Variants in PLA2G6 observed in about 807,000 individuals in gnomAD.
The protein encoded by PLA2G6 is 85/88 kDa calcium-independent phospholipase A2.
PLA2G6 carries 62 observed loss-of-function variants against 83.8 expected under a neutral mutation model. The observed-to-expected ratio is 0.74, with a 90% CI of 0.60 to 0.91. The LOEUF (loss-of-function observed/expected upper bound fraction) is 0.91, where lower values mean the gene tolerates loss of function less well. PLA2G6 is among the 40% of genes least tolerant of loss of function. The pLI is 0.00. For synonymous variants in PLA2G6, 417 were observed against 449.8 expected, an observed-to-expected ratio of 0.93 and a Z score of 0.92; for missense variants, 944 against 1,102.0, an observed-to-expected ratio of 0.86 and a Z score of 2.03.
intron 12 of PLA2G6, among the ~76,000 whole-genome samples, chr22:38,118,599 G>T (rs1015184975): frequency 6.6e-6 from 1 of 152,088 alleles, no homozygotes; most frequent in Non-Finnish European, 1.5e-5. Flanking sequence ...TGGATGTATG[G>T]ATTCGAAATC....
rs886694528 is a variant in PLA2G6 at position 38,114,484 on chromosome 22, C to T, written c.2035-830G>A. On this transcript the variant is annotated intron_variant, in intron 14 of 16. Transcript: ENST00000332509. ...ACAGGCGTGAGCCGCTGCGCCCGGC[C>T]GCTGCCTCTCTTATTTGCTTCCGAA... 5.3e-5 allele frequency among the ~76,000 whole-genome samples: 8 copies of T among 152,214 alleles called. 1 individual carries two copies. In the South Asian group the frequency reaches 1.2e-3, roughly 24 times the overall value.
chr22:38,126,372 T>A lies in PLA2G6; in HGVS notation c.1426A>T (p.Thr476Ser). ...TGCCCCCGATCTCGATCCACTTACG[T>A]CCGCTTCTCGTCCCTCATGGAGCCC... ...ILGSMRDEKR[T>S]HDHLLCLDGG... Residue 476 changes from threonine to serine, a missense_variant and splice_region_variant, in exon 10 of 17, where the codon ACC (threonine) becomes TCC (serine). Physicochemically the swap from Thr to Ser is moderately conservative, Grantham distance 58. Transcript: ENST00000332509. The A allele has an allele frequency of 6.2e-7, 1 of 1,612,214 alleles. No homozygotes were observed. Among genetic ancestry groups the A allele is most frequent in the Non-Finnish European group, 8.5e-7 (1 of 1,178,566 alleles).
intron 11 of PLA2G6, among the ~76,000 whole-genome samples, chr22:38,122,174 C>T (rs1412354363): frequency 6.6e-6 from 1 of 152,096 alleles, no homozygotes; most frequent in Non-Finnish European, 1.5e-5. Flanking sequence ...CCAACACAGG[C>T]CTGGCCCACA....
At chr22:38,148,708 C>T in intron 2 of PLA2G6, 1 of 595,892 alleles carries the variant, frequency 1.7e-6, no homozygotes, top group Non-Finnish European at 3.0e-6. Flanking sequence ...AAGGGTGAGC[C>T]ATACACAGAC....
At chr22:38,174,990 C>T (rs2090580410) in intron 1 of PLA2G6, among the ~76,000 whole-genome samples, 1 of 152,088 alleles carries the variant, frequency 6.6e-6, no homozygotes, top group African/African-American at 2.4e-5. Flanking sequence ...AGAACTCAGT[C>T]CCAAAAATCT....
chr22:38,138,629 C>T lies in PLA2G6; in HGVS notation c.797+1353G>A, dbSNP rs1038026416. On this transcript the variant is annotated intron_variant, in intron 5 of 16. Coordinates refer to ENST00000332509, the MANE Select transcript of PLA2G6 (RefSeq NM_003560.4). ...TTAGCACAGTGCCAGGATCGAAGGA[C>T]TCATTGGCTCATTCATTCATTCTAG... The T allele has an allele frequency of 3.2e-4, 49 of 152,228 alleles. 1 individual carries two copies. The highest frequency in any genetic ancestry group is 2.9e-3 in the Admixed American group (45 of 15,270). The allele number at this position is 152,228 out of a possible 1,614,324, so 9.4% of individuals were successfully genotyped here. A position where few individuals can be genotyped will look rare whatever the true frequency, so the allele number is the denominator to read the frequency against.
intron 4 of PLA2G6, 180 bp from the exon 5 acceptor site, chr22:38,140,349 G>A (rs958959163): frequency 8.4e-6 from 5 of 598,344 alleles, no homozygotes; most frequent in East Asian, 6.1e-5. Context: ...CTCTTCTAAC[G>A]ATACAAAAAT....
In PLA2G6 at chr22:38,125,395, G is replaced by A. The variant is rs994402646; in HGVS notation, c.1427+976C>T. Among the ~76,000 whole-genome samples the A allele has an allele frequency of 1.6e-4, 25 of 152,316 alleles. 1 individual carries two copies. Among genetic ancestry groups the A allele is most frequent in the Admixed American group, 1.6e-3 (24 of 15,298 alleles). Reference sequence around the variant, plus strand: ...CAGGGGAGGGAATGCTGATGGGGCAGGGGAACCTCCAGGGCACACAACAGG... The same window carrying A: ...CAGGGGAGGGAATGCTGATGGGGCAAGGGAACCTCCAGGGCACACAACAGG... On this transcript the variant is annotated intron_variant, in intron 10 of 16. Transcript: ENST00000332509.
intron 11 of PLA2G6, 113 bp from the exon 12 acceptor site, chr22:38,121,022 C>G: frequency 1.5e-6 from 2 of 1,330,896 alleles, no homozygotes; most frequent in Admixed American, 1.8e-5. Flanking sequence ...GCGGGTTTAC[C>G]GAGGCCTAAG....
Position 38,123,318 on chromosome 22 carries a change from C to G in PLA2G6, c.1428-60G>C. ...CCTGCCACAGCCCAGTACTTTACAT[C>G]CACCCTCATAGCCCTTGTCCCCTGC... On this transcript the variant is annotated intron_variant, in intron 10 of 16. Coordinates refer to ENST00000332509, the MANE Select transcript of PLA2G6 (RefSeq NM_003560.4). The surrounding 1 kb of genome is among the most constrained non-coding windows in gnomAD (Gnocchi z 4.1). 6.6e-7 allele frequency: 1 copy of G among 1,506,330 alleles called. No individual in the cohort carries two copies. The allele number at this position is 1,506,330 out of a possible 1,614,324, so 93.3% of individuals were successfully genotyped here.
intron 2 of PLA2G6, among the ~76,000 whole-genome samples, chr22:38,154,483 G>C (rs1001878695): frequency 6.6e-6 from 1 of 152,226 alleles, no homozygotes; most frequent in Non-Finnish European, 1.5e-5. Flanking sequence ...AATTCTTCCA[G>C]ATCTTATCCA....
At position 38,129,513 on chromosome 22, in the gene PLA2G6, A is replaced by G; in HGVS notation, c.1127T>C (p.Val376Ala). Residue 376 changes from valine (V) to alanine (A), a missense_variant, in exon 8 of 17, where the codon GTG (valine) becomes GCG (alanine). By Grantham distance (64) the Val-to-Ala change is moderately conservative (BLOSUM62 0). Transcript: ENST00000332509. Reference protein sequence around the residue: ...IKALIVFGAEVDTPNDFGETP... With the variant: ...IKALIVFGAEADTPNDFGETP... ...CTCCCCAAAGTCATTCGGGGTGTCC[A>G]CTTCTGCTCCGAACACGATGAGGGC... 1.2e-6 allele frequency: 2 copies of G among 1,614,114 alleles called. No homozygotes were observed. The highest frequency in any genetic ancestry group is 1.7e-6 in the Non-Finnish European group (2 of 1,179,976).
intron 5 of PLA2G6, chr22:38,139,043 C>T (rs549164346): frequency 6.6e-6 from 1 of 152,290 alleles, no homozygotes; most frequent in South Asian, 2.1e-4. Flanking sequence ...AGACAATTTT[C>T]CTGACACCAG....
intron 9 of PLA2G6, chr22:38,127,018 T>A (rs2087902083): frequency 9.3e-7 from 1 of 1,077,194 alleles, no homozygotes; most frequent in Admixed American, 4.6e-5. Context: ...AGGCCCACCA[T>A]CCACTCTGTC....
intron 2 of PLA2G6, among the ~76,000 whole-genome samples, chr22:38,165,363 G>A (rs1045516526): frequency 6.6e-6 from 1 of 152,162 alleles, no homozygotes; most frequent in Non-Finnish European, 1.5e-5. Context: ...GTGCAGGGAC[G>A]GGTGCCATGG....
chr22:38,141,585 C>T (rs148069040), intron 4 of PLA2G6: 4 of 152,232 alleles, frequency 2.6e-5, no homozygotes, highest in East Asian at 1.9e-4. Flanking sequence ...TCCCTGGGCA[C>T]GCTTCTTAAT....
In PLA2G6 at chr22:38,132,900, C is replaced by G; in HGVS notation, c.1008G>C (p.Leu336=). The G allele has an allele frequency of 6.4e-7, 1 of 1,555,960 alleles. No individual in the cohort carries two copies. The highest frequency in any genetic ancestry group is 8.7e-7 in the Non-Finnish European group (1 of 1,150,386). Residue 336 remains leucine (L), a synonymous_variant, in exon 7 of 17, where the codon CTG becomes CTC. Coordinates refer to ENST00000332509, the MANE Select transcript of PLA2G6 (RefSeq NM_003560.4). This position sits in a 1 kb window ranked among gnomAD's most constrained non-coding sequence, Gnocchi z 5.0. ...MRNRFDCAIV[L]LTHGANADAR... The stretch of plus-strand genomic sequence containing the variant: ...CATCCGCGTTGGCCCCGTGGGTCAG[C>G]AGCACTATGGCACAGTCGAAGCGGT...
chr22:38,122,992 C>T lies in PLA2G6; in HGVS notation c.1591+103G>A. 4.3e-6 allele frequency: 5 copies of T among 1,163,036 alleles called. No homozygotes were observed. The South Asian group carries it at 6.6e-5, about 15-fold the overall frequency. The allele number at this position is 1,163,036 out of a possible 1,614,324, so 72.0% of individuals were successfully genotyped here. On this transcript the variant is annotated intron_variant, in intron 11 of 16. Transcript: ENST00000332509. ...TCCTCAAAGTGCTTATAGCCCTCCT[C>T]TACTCCTCCACTCTCTTTTTGCAAA...
rs185991082 is a variant in PLA2G6, at chr22:38,160,769, C to T, written c.209+8449G>A. Among the ~76,000 whole-genome samples the T allele has an allele frequency of 2.3e-3, 343 of 152,108 alleles. 3 individuals carry two copies. Among genetic ancestry groups the T allele is most frequent in the Non-Finnish European group, 3.4e-3 (228 of 67,996 alleles). On this transcript the variant is annotated intron_variant, in intron 2 of 16. Transcript: ENST00000332509. ...CTGAGGCAGGAGAATGGCGTGAACC[C>T]AGGAGGCAGAGCTTGCAGTAAGCAG...
Sources: gnomAD v4.1 joint callset for allele counts (sites outside exome capture counted in the v4.1 genomes callset) on GRCh38, gnomAD v4.1.1 for gene constraint, Gnocchi (gnomAD v3.1) non-coding constraint, MANE v1.5 for transcripts, NCBI Gene and HGNC (gene_info 2026-07-23, HGNC 2026-07-21) for gene names.